Variants in GSK3B observed in about 807,000 individuals in gnomAD.
GSK3B encodes the protein glycogen synthase kinase 3 beta, also known as glycogen synthase kinase-3 beta.
Under a neutral mutation model 56.4 loss-of-function variants are expected in GSK3B, and 15 were observed. That is an observed-to-expected ratio of 0.27 (90% CI 0.18 to 0.41). The LOEUF is 0.41. Ranked by LOEUF, GSK3B falls within the 10% of genes least tolerant of loss-of-function variation. The pLI, the probability that GSK3B is intolerant of heterozygous loss-of-function variation, is 1.00. For synonymous variants in GSK3B, 181 were observed against 188.9 expected (o/e 0.96, Z 0.34); for missense variants, 300 against 513.4 (o/e 0.58, Z 4.02).
At chr3:119,895,013 C>T (rs1463635490) in intron 7 of GSK3B, among the ~76,000 whole-genome samples, 1 of 151,980 alleles carries the variant, frequency 6.6e-6, no homozygotes, top group Non-Finnish European at 1.5e-5. Context: ...ATTAACATAC[C>T]GATTACATTA....
chr3:119,984,878 C>T (rs1180559949), intron 2 of GSK3B, among the ~76,000 whole-genome samples: 2 of 152,164 alleles, frequency 1.3e-5, no homozygotes, highest in East Asian at 3.9e-4. Context: ...CTGGCAGAGA[C>T]ACAACAAAAA....
chr3:119,951,624 G>C (rs1003984541), intron 2 of GSK3B, among the ~76,000 whole-genome samples: 23 of 151,814 alleles, frequency 1.5e-4, no homozygotes, highest in African/African-American at 5.1e-4. Context: ...TGTTCAATTG[G>C]AAAAAAACAT....
At chr3:119,836,708 T>C (rs2055696014) in intron 10 of GSK3B, among the ~76,000 whole-genome samples, 1 of 152,176 alleles carries the variant, frequency 6.6e-6, no homozygotes, top group Admixed American at 6.5e-5. Flanking sequence ...AAGGTTGGTC[T>C]GTAGTTAAGC....
chr3:119,827,197 T>G (rs1357978771), intron 10 of GSK3B, among the ~76,000 whole-genome samples: 4 of 152,126 alleles, frequency 2.6e-5, no homozygotes, highest in Admixed American at 2.0e-4. Flanking sequence ...AAATGAACAG[T>G]GCACAGCTGG....
intron 6 of GSK3B, among the ~76,000 whole-genome samples, chr3:119,906,266 A>G (rs2107447362): frequency 6.6e-6 from 1 of 152,210 alleles, no homozygotes; most frequent in Admixed American, 6.5e-5. Flanking sequence ...TCTCCCAGAC[A>G]CTGGGCTTTA....
intron 9 of GSK3B, among the ~76,000 whole-genome samples, chr3:119,852,767 T>C (rs2055956044): frequency 6.6e-6 from 1 of 152,306 alleles, no homozygotes; most frequent in Non-Finnish European, 1.5e-5. Context: ...CACTTTTTGA[T>C]GGGGTTGATT....
chr3:119,847,985 T>A (rs1186525445), intron 9 of GSK3B, among the ~76,000 whole-genome samples: 1 of 152,230 alleles, frequency 6.6e-6, no homozygotes, highest in Admixed American at 6.5e-5. Flanking sequence ...AACATCTGTT[T>A]AAAGTGTCAC....
intron 4 of GSK3B, 132 bp from the exon 5 acceptor site, chr3:119,916,306 C>T (rs1009686295): frequency 3.0e-6 from 2 of 670,104 alleles, no homozygotes; most frequent in African/African-American, 3.6e-5. Context: ...ACTCAATCTT[C>T]CTTTCACAAG....
intron 1 of GSK3B, chr3:120,041,103 C>CTGGT (rs2107531691): frequency 6.4e-6 from 1 of 156,686 alleles, no homozygotes; most frequent in African/African-American, 2.4e-5. Context: ...TGCCCCCTTG[C>CTGGT]TGGTCCAGGG....
intron 3 of GSK3B, among the ~76,000 whole-genome samples, chr3:119,946,476 A>T (rs761939912): frequency 6.6e-6 from 1 of 152,196 alleles, no homozygotes; most frequent in Non-Finnish European, 1.5e-5. Flanking sequence ...CTGAAGTCCA[A>T]AATACCAACT....
intron 3 of GSK3B, among the ~76,000 whole-genome samples, chr3:119,924,853 T>C (rs569915915): frequency 7.2e-5 from 11 of 152,278 alleles, no homozygotes; most frequent in East Asian, 3.9e-4. Context: ...AACTGAGTAA[T>C]TGTGACAGAG....
At chr3:120,074,551 C>A in intron 1 of GSK3B, among the ~76,000 whole-genome samples, 1 of 151,826 alleles carries the variant, frequency 6.6e-6, no homozygotes, top group Non-Finnish European at 1.5e-5. Context: ...CTCCTGACCT[C>A]ATGATCTGCC....
chr3:120,012,174 T>C (rs1016323970), intron 1 of GSK3B, among the ~76,000 whole-genome samples: 1 of 152,208 alleles, frequency 6.6e-6, no homozygotes, highest in Non-Finnish European at 1.5e-5. Context: ...AGCAAAACCA[T>C]ATCAAAAATA....
chr3:119,902,966 C>T (rs940271926), intron 7 of GSK3B, among the ~76,000 whole-genome samples: 2 of 152,198 alleles, frequency 1.3e-5, no homozygotes, highest in East Asian at 3.9e-4. Context: ...CCACCCACCT[C>T]GGCCTCCCAA....
intron 1 of GSK3B, among the ~76,000 whole-genome samples, chr3:120,028,291 T>C (rs1032968193): frequency 6.6e-6 from 1 of 152,160 alleles, no homozygotes; most frequent in African/African-American, 2.4e-5. Context: ...ACTTAATAGA[T>C]AAAAGAAATG....
chr3:120,092,788 G>T (rs1270027312), intron 1 of GSK3B, among the ~76,000 whole-genome samples: 1 of 152,118 alleles, frequency 6.6e-6, no homozygotes, highest in Non-Finnish European at 1.5e-5. Context: ...AATGTGAATG[G>T]TTACTGAGGA....
At chr3:119,862,368 C>T (rs2056115537) in intron 9 of GSK3B, among the ~76,000 whole-genome samples, 1 of 94,152 alleles carries the variant, frequency 1.1e-5, no homozygotes, top group Admixed American at 1.5e-4. Context: ...ACTCTGGGGA[C>T]TGTGGTGGGG....
chr3:119,854,180 G>A (rs184332300), intron 9 of GSK3B, among the ~76,000 whole-genome samples: 9 of 152,264 alleles, frequency 5.9e-5, no homozygotes, highest in East Asian at 5.8e-4. Context: ...AGATAATCAC[G>A]TGGTTTTTGT....
chr3:119,942,668 C>T (rs1047893800), intron 3 of GSK3B, among the ~76,000 whole-genome samples: 4 of 152,116 alleles, frequency 2.6e-5, no homozygotes, highest in African/African-American at 9.7e-5. Flanking sequence ...ATCATCTGAT[C>T]CCACACCTTA....
Sources: allele counts gnomAD v4.1 joint callset (sites outside exome capture counted in the v4.1 genomes callset), GRCh38; gene constraint gnomAD v4.1.1; transcripts MANE v1.5; gene names NCBI Gene and HGNC (gene_info 2026-07-23, HGNC 2026-07-21).